The following NPAS3 variants were observed in gnomAD, a reference collection of about 807,000 sequenced individuals.
NPAS3 encodes the protein neuronal PAS domain protein 3.
Under a neutral mutation model 73.1 loss-of-function variants are expected in NPAS3, and 14 were observed. That is an observed-to-expected ratio of 0.19 (90% CI 0.13 to 0.30). NPAS3 has a LOEUF of 0.30. Ranked by LOEUF, NPAS3 falls within the 10% of genes least tolerant of loss-of-function variation. NPAS3 has a pLI of 1.00. For synonymous variants in NPAS3, 620 were observed against 541.5 expected (o/e 1.14, Z -2.01); for missense variants, 1,096 against 1,250.0 (o/e 0.88, Z 1.86).
chr14:33,742,264 G>T (rs2061674001), intron 7 of NPAS3, among the ~76,000 whole-genome samples: 1 of 152,098 alleles, frequency 6.6e-6, no homozygotes, highest in Non-Finnish European at 1.5e-5. Context: ...GTAATCTCTT[G>T]ACCTGGTGGT....
chr14:33,753,358 T>TTAAAAAAAAAAAA (rs1219013158), intron 7 of NPAS3, among the ~76,000 whole-genome samples: 2 of 129,440 alleles, frequency 1.5e-5, no homozygotes, highest in African/African-American at 5.6e-5. Context: ...GTTAAATTGA[T>TTAAAAAAAAAAAA]AAAAAAAAAA....
intron 1 of NPAS3, among the ~76,000 whole-genome samples, chr14:33,011,208 T>C (rs1246536951): frequency 6.6e-6 from 1 of 152,224 alleles, no homozygotes; most frequent in East Asian, 1.9e-4. Context: ...TGCATTTGTA[T>C]GATTATTGTA....
chr14:33,538,502 T>G (rs2054357360), intron 4 of NPAS3, among the ~76,000 whole-genome samples: 1 of 152,210 alleles, frequency 6.6e-6, no homozygotes, highest in Non-Finnish European at 1.5e-5. Context: ...GTTTGTCTCT[T>G]ACAGTAGTCA....
chr14:32,986,555 A>G (rs2038109594), intron 1 of NPAS3, among the ~76,000 whole-genome samples: 1 of 152,216 alleles, frequency 6.6e-6, no homozygotes, highest in African/African-American at 2.4e-5. Context: ...TATGTCAAGT[A>G]TGTTTTAAAA....
At chr14:33,446,588 G>A (rs1487899644) in intron 4 of NPAS3, among the ~76,000 whole-genome samples, 1 of 152,168 alleles carries the variant, frequency 6.6e-6, no homozygotes, top group Non-Finnish European at 1.5e-5. Flanking sequence ...AGAAAAACTT[G>A]TTAGCAGTCT....
intron 3 of NPAS3, among the ~76,000 whole-genome samples, chr14:33,216,085 A>G (rs1173025336): frequency 1.3e-5 from 2 of 152,066 alleles, no homozygotes; most frequent in Non-Finnish European, 2.9e-5. Flanking sequence ...AATTTATGGC[A>G]TTTTTGGCAT....
chr14:33,681,813 C>G (rs2059946039), intron 6 of NPAS3, among the ~76,000 whole-genome samples: 4 of 152,092 alleles, frequency 2.6e-5, no homozygotes. Context: ...TACAAAGTGT[C>G]AAATGATAGA....
At chr14:33,615,507 C>CT (rs2057886995) in intron 5 of NPAS3, among the ~76,000 whole-genome samples, 1 of 152,096 alleles carries the variant, frequency 6.6e-6, no homozygotes, top group African/African-American at 2.4e-5. Context: ...AAAAAGAGAA[C>CT]TAGAAGGTCA....
At chr14:33,733,094 A>C (rs1389361351) in intron 6 of NPAS3, among the ~76,000 whole-genome samples, 3 of 152,124 alleles carry the variant, frequency 2.0e-5, no homozygotes, top group African/African-American at 7.2e-5. Context: ...ATTTTTCCTC[A>C]TCAATTGCAA....
chr14:33,632,438 C>G (rs1167250130), intron 5 of NPAS3, among the ~76,000 whole-genome samples: 1 of 152,178 alleles, frequency 6.6e-6, no homozygotes, highest in Non-Finnish European at 1.5e-5. Flanking sequence ...AACAGACACT[C>G]AGAGCACACT....
At chr14:33,780,684 C>T (rs1834916683) in intron 9 of NPAS3, 1 of 445,874 alleles carries the variant, frequency 2.2e-6, no homozygotes, top group Admixed American at 2.5e-5. Flanking sequence ...TCATTTCTCC[C>T]CATTAAGCAA....
chr14:33,069,825 T>C (rs1422378098), intron 2 of NPAS3, among the ~76,000 whole-genome samples: 1 of 152,208 alleles, frequency 6.6e-6, no homozygotes, highest in Non-Finnish European at 1.5e-5. Context: ...ACTACCCATG[T>C]TCAAAACCTG....
At chr14:33,348,313 G>A (rs1267967120) in intron 3 of NPAS3, among the ~76,000 whole-genome samples, 1 of 152,182 alleles carries the variant, frequency 6.6e-6, no homozygotes, top group African/African-American at 2.4e-5. Context: ...CAGCAAAAAT[G>A]AGGGTGAGGA....
chr14:33,284,257 G>C (rs1368972160), intron 3 of NPAS3, among the ~76,000 whole-genome samples: 1 of 151,990 alleles, frequency 6.6e-6, no homozygotes, highest in Non-Finnish European at 1.5e-5. Flanking sequence ...ATACCCTCAT[G>C]TTTGGCTGTA....
chr14:33,272,862 T>C lies in NPAS3; in HGVS notation c.385+57436T>C, dbSNP rs2041157542. 2.0e-5 allele frequency among the ~76,000 whole-genome samples: 3 copies of C among 152,204 alleles called. 1 individual carries two copies. Among genetic ancestry groups the C allele is most frequent in the African/African-American group, 7.2e-5 (3 of 41,450 alleles). ...CCAAAGGGTAGTGATACTGACAGTT[T>C]TGCTTAAAAAAGAATCGAAATCTCT... On this transcript the variant is annotated intron_variant, in intron 3 of 11. Transcript: ENST00000356141.
chr14:33,728,163 C>A (rs1357884890), intron 6 of NPAS3, among the ~76,000 whole-genome samples: 2 of 152,146 alleles, frequency 1.3e-5, no homozygotes, highest in African/African-American at 4.8e-5. Context: ...ACAGTCTCAC[C>A]AAGTAGTAAC....
chr14:33,155,278 C>G (rs2044606466), intron 2 of NPAS3, among the ~76,000 whole-genome samples: 1 of 152,220 alleles, frequency 6.6e-6, no homozygotes. Flanking sequence ...AGAGCCAGTT[C>G]AGACAACTCT....
chr14:33,737,177 A>G (rs1348080339), intron 7 of NPAS3, among the ~76,000 whole-genome samples: 1 of 152,206 alleles, frequency 6.6e-6, no homozygotes, highest in African/African-American at 2.4e-5. Context: ...TAGCAAAGAA[A>G]GTGTGAGGGG....
chr14:33,485,932 G>C lies in NPAS3; in HGVS notation c.469-74189G>C, dbSNP rs2051570134. 2.0e-5 allele frequency among the ~76,000 whole-genome samples: 3 copies of C among 152,102 alleles called. 1 individual carries two copies. In the Middle Eastern group the frequency reaches 0.01, roughly 517 times the overall value. On this transcript the variant is annotated intron_variant, in intron 4 of 11. Coordinates refer to ENST00000356141, the Ensembl canonical transcript of NPAS3. ...TGAACAAGGATGCCACCTCTAGGGG[G>C]TCATAGTATATGAATGTGAGTGGCC...
Sources: allele counts gnomAD v4.1 joint callset (sites outside exome capture counted in the v4.1 genomes callset), GRCh38; gene constraint gnomAD v4.1.1; transcripts MANE v1.5; gene names NCBI Gene and HGNC (gene_info 2026-07-23, HGNC 2026-07-21).